C12orf42: variants seen among roughly 807,000 people sequenced by gnomAD.
C12orf42 encodes the protein uncharacterized protein C12orf42.
Under a neutral mutation model 21.6 loss-of-function variants are expected in C12orf42, and 25 were observed. The ratio of observed to expected loss-of-function variants is 1.16; its 90% CI spans 0.84 to 1.62. C12orf42 has a LOEUF of 1.62. Ranked by LOEUF, C12orf42 falls within the 40% of genes most tolerant of loss-of-function variation. The pLI is 0.00. For missense variants in C12orf42, 483 were observed against 459.3 expected (o/e 1.05, Z -0.47); for synonymous variants, 174 against 175.0 (o/e 0.99, Z 0.05).
chr12:103,558,512 C>T, the C12orf42 span: 1 of 152,248 alleles, frequency 6.6e-6, no homozygotes, highest in Admixed American at 6.5e-5. Flanking sequence ...TCCTCCTCAT[C>T]TCTCAGATCT....
At chr12:103,391,712 A>G (rs2047094115) in intron 3 of C12orf42, among the ~76,000 whole-genome samples, 2 of 151,124 alleles carry the variant, frequency 1.3e-5, no homozygotes, top group Admixed American at 6.6e-5. Context: ...ATAATAGTAT[A>G]TATGATGTGT....
At chr12:103,070,678 T>C in the C12orf42 span, among the ~76,000 whole-genome samples, 4 of 152,040 alleles carry the variant, frequency 2.6e-5, no homozygotes, top group African/African-American at 9.7e-5. Context: ...GAAAACAGGG[T>C]ACTAAGAAAA....
At chr12:103,323,482 C>T (rs1187123873) in intron 4 of C12orf42, among the ~76,000 whole-genome samples, 1 of 151,296 alleles carries the variant, frequency 6.6e-6, no homozygotes, top group Non-Finnish European at 1.5e-5. Flanking sequence ...TCAATTCATC[C>T]AAAAAAAATA....
At chr12:103,434,444 G>A (rs1228166596) in intron 2 of C12orf42, among the ~76,000 whole-genome samples, 3 of 152,350 alleles carry the variant, frequency 2.0e-5, no homozygotes, top group African/African-American at 4.8e-5. Flanking sequence ...CTCCCAGCGT[G>A]AGGGACGCAG....
At chr12:103,443,560 C>A (rs1592838690) in intron 2 of C12orf42, among the ~76,000 whole-genome samples, 1 of 151,898 alleles carries the variant, frequency 6.6e-6, no homozygotes, top group South Asian at 2.1e-4. Flanking sequence ...TTTTGCCATG[C>A]CAAAAATATA....
At chr12:103,366,680 A>G (rs982930661) in intron 4 of C12orf42, among the ~76,000 whole-genome samples, 2 of 151,918 alleles carry the variant, frequency 1.3e-5, no homozygotes, top group African/African-American at 4.8e-5. Flanking sequence ...CAAAAGATAT[A>G]CAAATGGCCA....
chr12:103,391,710 A>G (rs1305446667), intron 3 of C12orf42, among the ~76,000 whole-genome samples: 1 of 151,074 alleles, frequency 6.6e-6, no homozygotes, highest in African/African-American at 2.4e-5. Flanking sequence ...ATATAATAGT[A>G]TATATGATGT....
the C12orf42 span, among the ~76,000 whole-genome samples, chr12:103,133,741 A>C: frequency 1.3e-5 from 2 of 152,294 alleles, no homozygotes; most frequent in East Asian, 3.9e-4. Context: ...TAGTTTCCGT[A>C]ATCCCCACGT....
chr12:103,489,285 G>A (rs996851909), intron 1 of C12orf42, among the ~76,000 whole-genome samples: 1 of 152,230 alleles, frequency 6.6e-6, no homozygotes, highest in South Asian at 2.1e-4. Context: ...AGAGGCTGCA[G>A]AACAGCAAAT....
intron 4 of C12orf42, among the ~76,000 whole-genome samples, chr12:103,295,906 C>G (rs1179765830): frequency 1.3e-5 from 2 of 151,866 alleles, no homozygotes; most frequent in African/African-American, 4.8e-5. Context: ...GGTACATGTG[C>G]ACAACGTGCA....
At chr12:103,134,031 T>G in the C12orf42 span, among the ~76,000 whole-genome samples, 1 of 152,242 alleles carries the variant, frequency 6.6e-6, no homozygotes, top group African/African-American at 2.4e-5. Context: ...AAGTATGTCT[T>G]TATTAGTAGC....
At chr12:103,150,433 G>C in the C12orf42 span, among the ~76,000 whole-genome samples, 1 of 152,204 alleles carries the variant, frequency 6.6e-6, no homozygotes, top group African/African-American at 2.4e-5. Context: ...AAAGTGATTA[G>C]GTAAAGCATT....
At chr12:103,319,181 T>C (rs1005421249) in intron 4 of C12orf42, among the ~76,000 whole-genome samples, 4 of 152,224 alleles carry the variant, frequency 2.6e-5, no homozygotes, top group African/African-American at 9.7e-5. Context: ...AATCACATCA[T>C]TCAAAAGCAC....
At chr12:103,149,430 AG>A in the C12orf42 span, among the ~76,000 whole-genome samples, 1 of 152,194 alleles carries the variant, frequency 6.6e-6, no homozygotes, top group Non-Finnish European at 1.5e-5. Flanking sequence ...TTTAGTATAA[AG>A]AAATATAAGT....
At chr12:103,095,989 A>G in the C12orf42 span, among the ~76,000 whole-genome samples, 1 of 152,300 alleles carries the variant, frequency 6.6e-6, no homozygotes, top group Non-Finnish European at 1.5e-5. Flanking sequence ...TGCTGAAGTG[A>G]ACTCATGGGG....
At chr12:103,219,184 T>C in the C12orf42 span, among the ~76,000 whole-genome samples, 153 of 152,336 alleles carry the variant, frequency 1.0e-3, no homozygotes, top group African/African-American at 3.5e-3. Flanking sequence ...GTCTTTTAAT[T>C]GGGGCATTTA....
the C12orf42 span, among the ~76,000 whole-genome samples, chr12:103,052,821 T>C: frequency 6.6e-6 from 1 of 152,148 alleles, no homozygotes; most frequent in East Asian, 1.9e-4. Context: ...TTGGAATTGA[T>C]TTGTTGTGTG....
chr12:103,393,436 C>T (rs572336322), intron 3 of C12orf42, among the ~76,000 whole-genome samples: 1 of 152,188 alleles, frequency 6.6e-6, no homozygotes, highest in African/African-American at 2.4e-5. Flanking sequence ...ACCCAAACAC[C>T]TCCCACCAGT....
At chr12:103,077,719 A>T in the C12orf42 span, among the ~76,000 whole-genome samples, 1 of 152,174 alleles carries the variant, frequency 6.6e-6, no homozygotes, top group Non-Finnish European at 1.5e-5. Flanking sequence ...AAAACTGTTC[A>T]CACTCAGGAC....
Sources: allele counts gnomAD v4.1 joint callset (sites outside exome capture counted in the v4.1 genomes callset), GRCh38; gene constraint gnomAD v4.1.1; transcripts MANE v1.5; gene names NCBI Gene and HGNC (gene_info 2026-07-23, HGNC 2026-07-21).